The following LINGO2 variants were observed in gnomAD, a reference collection of about 807,000 sequenced individuals.
LINGO2 encodes the protein leucine rich repeat and Ig domain containing 2.
Under a neutral mutation model 30.6 loss-of-function variants are expected in LINGO2, and 14 were observed. The observed-to-expected ratio is 0.46, with a 90% CI of 0.30 to 0.72. The LOEUF is 0.72. Ranked by LOEUF, LINGO2 falls within the 30% of genes least tolerant of loss-of-function variation. The pLI, the probability that LINGO2 is intolerant of heterozygous loss-of-function variation, is 0.07. For missense variants in LINGO2, 729 were observed against 751.7 expected, an observed-to-expected ratio of 0.97 and a Z score of 0.35; for synonymous variants, 317 against 288.5, an observed-to-expected ratio of 1.10 and a Z score of -1.00.
At chr9:28,607,675 C>T (rs1271730987) in intron 1 of LINGO2, among the ~76,000 whole-genome samples, 3 of 151,970 alleles carry the variant, frequency 2.0e-5, no homozygotes, top group Non-Finnish European at 4.4e-5. Flanking sequence ...TTACAGCTAA[C>T]CAATTCTAAA....
chr9:28,017,092 C>G (rs1390444125), intron 4 of LINGO2, among the ~76,000 whole-genome samples: 1 of 152,152 alleles, frequency 6.6e-6, no homozygotes, highest in Non-Finnish European at 1.5e-5. Flanking sequence ...ACAAAAACCA[C>G]CTGATCATTT....
intron 1 of LINGO2, among the ~76,000 whole-genome samples, chr9:28,628,588 A>C (rs1310744736): frequency 6.6e-6 from 1 of 152,084 alleles, no homozygotes; most frequent in East Asian, 1.9e-4. Context: ...GGAGATAGGA[A>C]TTCAAAACAC....
chr9:28,762,028 C>A, the LINGO2 span, among the ~76,000 whole-genome samples: 1 of 151,886 alleles, frequency 6.6e-6, no homozygotes, highest in African/African-American at 2.4e-5. Flanking sequence ...TATTCTGTAC[C>A]TTTGTGGACA....
the LINGO2 span, among the ~76,000 whole-genome samples, chr9:29,064,988 G>T: frequency 6.6e-6 from 1 of 152,068 alleles, no homozygotes; most frequent in African/African-American, 2.4e-5. Flanking sequence ...TACTAAAAGA[G>T]TAAAGACACT....
chr9:28,959,998 C>T, the LINGO2 span, among the ~76,000 whole-genome samples: 3 of 152,062 alleles, frequency 2.0e-5, no homozygotes, highest in Non-Finnish European at 4.4e-5. Flanking sequence ...CATTTTAAAT[C>T]TTTAATGCTG....
At chr9:28,319,093 A>T (rs375794983) in intron 3 of LINGO2, among the ~76,000 whole-genome samples, 2 of 152,214 alleles carry the variant, frequency 1.3e-5, no homozygotes, top group East Asian at 3.8e-4. Context: ...AAATAATTAC[A>T]AAGTATGAAC....
chr9:28,341,587 C>T (rs1825767243), intron 3 of LINGO2, among the ~76,000 whole-genome samples: 1 of 152,104 alleles, frequency 6.6e-6, no homozygotes, highest in Non-Finnish European at 1.5e-5. Context: ...TGCACTTGTA[C>T]AGTATTTGCC....
At chr9:28,628,196 C>T (rs1468754493) in intron 1 of LINGO2, among the ~76,000 whole-genome samples, 1 of 152,078 alleles carries the variant, frequency 6.6e-6, no homozygotes. Context: ...CAGCTACTGA[C>T]ATTTTATGGA....
At chr9:28,949,701 T>C in the LINGO2 span, among the ~76,000 whole-genome samples, 3 of 152,128 alleles carry the variant, frequency 2.0e-5, no homozygotes, top group African/African-American at 7.2e-5. Context: ...GCTGGTACCA[T>C]TCCTTCTGAA....
chr9:28,886,366 C>G, the LINGO2 span, among the ~76,000 whole-genome samples: 2 of 151,982 alleles, frequency 1.3e-5, no homozygotes, highest in East Asian at 3.9e-4. Flanking sequence ...TATGGAAGGT[C>G]TAAAATGGTA....
intron 1 of LINGO2, among the ~76,000 whole-genome samples, chr9:28,585,556 T>C (rs529525537): frequency 9.5e-4 from 142 of 150,134 alleles, no homozygotes; most frequent in Non-Finnish European, 1.5e-3. Flanking sequence ...CTTTATAAAA[T>C]AGGTCTTGTA....
intron 4 of LINGO2, among the ~76,000 whole-genome samples, chr9:28,257,150 T>C (rs4559331): frequency 0.17 from 26,328 of 151,778 alleles, 2,490 homozygotes; most frequent in Middle Eastern, 0.26. Flanking sequence ...ATATTTATGT[T>C]ATTATCTTTG....
chr9:29,130,534 C>T, the LINGO2 span, among the ~76,000 whole-genome samples: 4 of 152,056 alleles, frequency 2.6e-5, no homozygotes, highest in South Asian at 4.1e-4. Flanking sequence ...TCTTAAGAAT[C>T]CATAATTCCC....
At chr9:29,098,011 GTTTTA>G in the LINGO2 span, among the ~76,000 whole-genome samples, 2 of 88,860 alleles carry the variant, frequency 2.3e-5, no homozygotes, top group African/African-American at 8.7e-5. Context: ...AAAATACAGG[GTTTTA>G]TTTTATGTTT....
At chr9:27,949,125 A>G in exon 6 of LINGO2, 1 of 1,614,184 alleles carries the variant, frequency 6.2e-7, no homozygotes, top group South Asian at 1.1e-5. Context: ...GGTCATGTAC[A>G]TAGGGGTCCT....
intron 4 of LINGO2, among the ~76,000 whole-genome samples, chr9:28,253,715 G>A (rs778020991): frequency 1.3e-5 from 2 of 152,110 alleles, no homozygotes; most frequent in South Asian, 2.1e-4. Flanking sequence ...CTTAACCTGC[G>A]GCCTGGGGCA....
the LINGO2 span, among the ~76,000 whole-genome samples, chr9:29,162,757 T>C: frequency 6.6e-6 from 1 of 152,190 alleles, no homozygotes; most frequent in Non-Finnish European, 1.5e-5. Context: ...TTATGTTCAA[T>C]TTTAATATCA....
intron 4 of LINGO2, among the ~76,000 whole-genome samples, chr9:28,199,782 GAGA>G (rs1399881982): frequency 6.6e-6 from 1 of 151,884 alleles, no homozygotes; most frequent in Non-Finnish European, 1.5e-5. Context: ...CAATAATTAA[GAGA>G]AGTAGTACAT....
chr9:28,852,212 G>T, the LINGO2 span, among the ~76,000 whole-genome samples: 1 of 151,958 alleles, frequency 6.6e-6, no homozygotes, highest in Non-Finnish European at 1.5e-5. Flanking sequence ...AAGACTGTTT[G>T]TTCATTATAC....
Sources: allele counts gnomAD v4.1 joint callset (sites outside exome capture counted in the v4.1 genomes callset), GRCh38; gene constraint gnomAD v4.1.1; transcripts MANE v1.5; gene names NCBI Gene and HGNC (gene_info 2026-07-23, HGNC 2026-07-21).